GART: variants seen among roughly 807,000 people sequenced by gnomAD.
GART encodes the protein phosphoribosylglycinamide formyltransferase, phosphoribosylglycinamide synthetase, phosphoribosylaminoimidazole synthetase.
A neutral mutation model predicts 107.2 loss-of-function variants in GART; 43 were observed. That is an observed-to-expected ratio of 0.40 (90% CI 0.31 to 0.52). The LOEUF (loss-of-function observed/expected upper bound fraction) is 0.52. GART is among the 20% of genes least tolerant of loss of function. The pLI, the probability that GART is intolerant of heterozygous loss-of-function variation, is 0.52. For missense variants in GART, 1,107 were observed against 1,206.5 expected (o/e 0.92, Z 1.22); for synonymous variants, 434 against 427.0 (o/e 1.02, Z -0.20).
intron 11 of GART, chr21:33,524,487 G>A (rs1158892737): frequency 1.2e-6 from 1 of 816,894 alleles, no homozygotes; most frequent in African/African-American, 1.9e-5. Flanking sequence ...GGAAGACCCT[G>A]TTAAAAAAAT....
Position 33,534,724 on chromosome 21 carries a change from C to T in GART, c.271G>A (p.Val91Met). 6.2e-7 allele frequency: 1 copy of T among 1,602,432 alleles called. No homozygotes were observed. Among genetic ancestry groups the T allele is most frequent in the Non-Finnish European group, 8.5e-7 (1 of 1,175,468 alleles). The stretch of plus-strand genomic sequence containing the variant: ...TCTGCTGTTGGGCCAAAGCATTGCA[C>T]TCCTGCAGACCTCAGGTTCCCAACA... ...GIVGNLRSAG[V>M]QCFGPTAEAA... The change falls in exon 4 of 22, where the codon GTG becomes ATG. Residue 91 changes from valine to methionine, a missense_variant. Physicochemically the swap from Val to Met is conservative, Grantham distance 21. Coordinates refer to ENST00000381815, the MANE Select transcript of GART (RefSeq NM_000819.5).
chr21:33,504,720 G>A (rs184250137), intron 20 of GART, among the ~76,000 whole-genome samples, 193 bp from the exon 21 acceptor site: 12 of 152,254 alleles, frequency 7.9e-5, no homozygotes, highest in African/African-American at 1.7e-4. Flanking sequence ...GCAAGTACCC[G>A]CCTTGCACAG....
rs376904498 is a variant in GART at position 33,504,200 on chromosome 21, G to T, written c.2957C>A (p.Ala986Glu). The T allele has an allele frequency of 3.1e-6, 5 of 1,614,076 alleles. No homozygotes were observed. The highest frequency in any genetic ancestry group is 4.2e-6 in the Non-Finnish European group (5 of 1,180,042). Residue 986 changes from alanine to glutamate, a missense_variant, in exon 22 of 22, where the codon GCA becomes GAA. Ala to Glu is a moderately radical substitution (Grantham distance 107). Coordinates refer to ENST00000381815, the MANE Select transcript of GART (RefSeq NM_000819.5). The part of the protein sequence containing the change: ...VKLAEHKIFP[A>E]ALQLVASGTV... ...TCCACTGGCCACCAGCTGAAGGGCT[G>T]CAGGAAATATTTTATGTTCTGCTAA...
intron 18 of GART, among the ~76,000 whole-genome samples, chr21:33,507,780 C>T (rs925946978): frequency 2.6e-5 from 4 of 152,040 alleles, no homozygotes; most frequent in Admixed American, 6.5e-5. Context: ...TGCAGTGAGC[C>T]GAGTCTGCGC....
At chr21:33,523,593 C>T (rs1010128266) in intron 11 of GART, among the ~76,000 whole-genome samples, 4 of 152,072 alleles carry the variant, frequency 2.6e-5, no homozygotes, top group African/African-American at 7.2e-5. Context: ...GCTTGAATTA[C>T]GTTGGTAAAA....
chr21:33,522,490 C>A (rs4817577), intron 11 of GART, among the ~76,000 whole-genome samples: 103,330 of 152,000 alleles, frequency 0.68, 35,177 homozygotes, highest in East Asian at 0.73. Flanking sequence ...GAGTTTGAAC[C>A]ATCTCCCCAG....
chr21:33,541,904 T>C (rs552580357), intron 1 of GART, among the ~76,000 whole-genome samples, 161 bp downstream of exon 1: 9 of 152,278 alleles, frequency 5.9e-5, no homozygotes, highest in African/African-American at 1.9e-4. Flanking sequence ...CAGCTAACAG[T>C]AGCAAGTGAA....
intron 4 of GART, among the ~76,000 whole-genome samples, chr21:33,533,208 G>C (rs2085228157): frequency 6.6e-6 from 1 of 152,002 alleles, no homozygotes; most frequent in African/African-American, 2.4e-5. Flanking sequence ...GGGAGGCCGA[G>C]GCGGGCGGAT....
At chr21:33,511,581 T>C (rs780555680) in intron 16 of GART, 123 bp from the exon 17 acceptor site, 7 of 1,005,572 alleles carry the variant, frequency 7.0e-6, no homozygotes, top group Non-Finnish European at 8.9e-6. Context: ...AGGGTAAAAC[T>C]ATAAATTGGC....
At chr21:33,526,330 T>G (rs1264774232) in intron 10 of GART, among the ~76,000 whole-genome samples, 1 of 151,640 alleles carries the variant, frequency 6.6e-6, no homozygotes, top group Non-Finnish European at 1.5e-5. Context: ...ACCACCACAT[T>G]TGGCTAATTG....
At chr21:33,504,585 A>G in intron 20 of GART, 58 bp from the exon 21 acceptor site, 1 of 1,242,062 alleles carries the variant, frequency 8.1e-7, no homozygotes, top group Admixed American at 2.0e-5. Flanking sequence ...ATTCTGTTAA[A>G]GGAATACGTT....
At chr21:33,539,459 G>T in intron 1 of GART, 103 bp from the exon 2 acceptor site, 1 of 717,566 alleles carries the variant, frequency 1.4e-6, no homozygotes. Flanking sequence ...TTGGGAGGCC[G>T]AGGCAGGTGG....
In GART at chr21:33,532,463, A is replaced by C; in HGVS notation, c.417-7T>G. 1 of 1,599,692 alleles carries C rather than the reference A, an allele frequency of 6.3e-7. No individual in the cohort carries two copies. Among genetic ancestry groups the C allele is most frequent in the South Asian group, 1.1e-5 (1 of 90,534 alleles). The stretch of plus-strand genomic sequence containing the variant: ...CAAAGCAGGGAAGTCTGCACTGTAA[A>C]GACAGAGTAATCGTCAACATCCAAT... On this transcript the variant is annotated splice_polypyrimidine_tract_variant and splice_region_variant and intron_variant, in intron 4 of 21. Coordinates refer to ENST00000381815, the MANE Select transcript of GART (RefSeq NM_000819.5).
Position 33,524,754 on chromosome 21 carries a change from T to C in GART, c.1298+15A>G. The C allele has an allele frequency of 6.2e-7, 1 of 1,614,150 alleles. No individual in the cohort carries two copies. The highest frequency in any genetic ancestry group is 8.5e-7 in the Non-Finnish European group (1 of 1,179,996). ...TTCTGAAATGGCACTACAGCTAACT[T>C]GCTTAGAGTTTTACCTGGGCTGCTG... On this transcript the variant is annotated intron_variant, in intron 11 of 21. Coordinates refer to ENST00000381815, the MANE Select transcript of GART (RefSeq NM_000819.5).
chr21:33,524,608 C>A, intron 11 of GART, 161 bp downstream of exon 11: 1 of 1,274,766 alleles, frequency 7.8e-7, no homozygotes, highest in South Asian at 1.7e-5. Flanking sequence ...TTGAGTATTG[C>A]TATAACCAGT....
chr21:33,507,981 G>C (rs1417008729), intron 18 of GART, among the ~76,000 whole-genome samples: 1 of 152,088 alleles, frequency 6.6e-6, no homozygotes, highest in Non-Finnish European at 1.5e-5. Context: ...AAGATCTCAT[G>C]TACCCTATAA....
chr21:33,504,435 C>T lies in GART; in HGVS notation c.2818G>A (p.Gly940Arg). The T allele has an allele frequency of 6.2e-7, 1 of 1,613,906 alleles. No homozygotes were observed. The highest frequency in any genetic ancestry group is 8.5e-7 in the Non-Finnish European group (1 of 1,179,820). The change falls in exon 21 of 22, where the codon GGG (glycine) becomes AGG (arginine). Residue 940 changes from glycine to arginine, a missense_variant. Coordinates refer to ENST00000381815, the MANE Select transcript of GART (RefSeq NM_000819.5). ...ACAGCTACAAAGTGTACAGTGCACC[C>T]AGTAACTGTGACTCCGGTTTCCAGG... ...QALETGVTVTGCTVHFVAEDV... is the reference protein window; with the variant it reads ...QALETGVTVTRCTVHFVAEDV...
chr21:33,506,629 C>T (rs985762410), intron 18 of GART, among the ~76,000 whole-genome samples: 1 of 152,134 alleles, frequency 6.6e-6, no homozygotes, highest in Non-Finnish European at 1.5e-5. Flanking sequence ...AGTAAGGAGA[C>T]AACCCACAGA....
chr21:33,516,574 G>A (rs1387590894), intron 16 of GART, among the ~76,000 whole-genome samples: 3 of 152,174 alleles, frequency 2.0e-5, no homozygotes. Flanking sequence ...AGAAACCTGA[G>A]ACTTCTTTTT....
Sources: gnomAD v4.1 joint callset for allele counts (sites outside exome capture counted in the v4.1 genomes callset) on GRCh38, gnomAD v4.1.1 for gene constraint, MANE v1.5 for transcripts, NCBI Gene and HGNC (gene_info 2026-07-23, HGNC 2026-07-21) for gene names.